Variants in ANKS1A observed in about 807,000 individuals in gnomAD.
ANKS1A encodes ankyrin repeat and SAM domain-containing protein 1A.
Under a neutral mutation model 120.3 loss-of-function variants are expected in ANKS1A, and 55 were observed. That is an observed-to-expected ratio of 0.46 (90% CI 0.37 to 0.57). The LOEUF is 0.57. Ranked by LOEUF, ANKS1A falls within the 20% of genes least tolerant of loss-of-function variation. The pLI is 0.00. For synonymous variants in ANKS1A, 590 were observed against 604.7 expected (o/e 0.98, Z 0.36); for missense variants, 1,123 against 1,480.3 (o/e 0.76, Z 3.96).
At chr6:35,003,322 T>G (rs988756634) in intron 10 of ANKS1A, among the ~76,000 whole-genome samples, 15 of 152,286 alleles carry the variant, frequency 9.8e-5, no homozygotes, top group African/African-American at 3.4e-4. Flanking sequence ...GGTCAAGCCT[T>G]GACTATTCTG....
intron 1 of ANKS1A, among the ~76,000 whole-genome samples, chr6:34,923,342 G>A (rs1222059873): frequency 6.6e-6 from 1 of 152,208 alleles, no homozygotes; most frequent in Non-Finnish European, 1.5e-5. Flanking sequence ...AAATAAGGTA[G>A]GTTGAGGGAC....
At chr6:35,076,678 G>C (rs1777373415) in intron 13 of ANKS1A, among the ~76,000 whole-genome samples, 2 of 152,194 alleles carry the variant, frequency 1.3e-5, no homozygotes, top group Non-Finnish European at 2.9e-5. Flanking sequence ...GCCCAGGCTA[G>C]AGTGCAGTGG....
chr6:35,006,068 G>T (rs995874020), intron 10 of ANKS1A, among the ~76,000 whole-genome samples: 2 of 151,624 alleles, frequency 1.3e-5, no homozygotes, highest in Non-Finnish European at 2.9e-5. Flanking sequence ...CGCGCCTGTA[G>T]TCCCAGCTAC....
chr6:35,007,914 C>T (rs1332978965), intron 10 of ANKS1A, among the ~76,000 whole-genome samples: 1 of 152,176 alleles, frequency 6.6e-6, no homozygotes, highest in Non-Finnish European at 1.5e-5. Context: ...ATCAGAGTAC[C>T]AATTCCTTAG....
At chr6:35,003,250 T>A (rs1023464792) in intron 10 of ANKS1A, among the ~76,000 whole-genome samples, 1 of 152,146 alleles carries the variant, frequency 6.6e-6, no homozygotes, top group South Asian at 2.1e-4. Flanking sequence ...CAGACCCCCA[T>A]TTACATGCTC....
chr6:34,980,416 G>A (rs1771845926), intron 3 of ANKS1A, among the ~76,000 whole-genome samples: 1 of 152,116 alleles, frequency 6.6e-6, no homozygotes, highest in African/African-American at 2.4e-5. Flanking sequence ...GGATCTTTCT[G>A]GTATACTTGG....
chr6:34,909,696 G>C (rs1381331424), intron 1 of ANKS1A, among the ~76,000 whole-genome samples: 3 of 152,194 alleles, frequency 2.0e-5, no homozygotes, highest in African/African-American at 7.2e-5. Flanking sequence ...AGTGTGATGA[G>C]TGCTATGAAA....
At chr6:34,967,659 T>C (rs1433427412) in intron 2 of ANKS1A, among the ~76,000 whole-genome samples, 2 of 152,082 alleles carry the variant, frequency 1.3e-5, no homozygotes, top group East Asian at 1.9e-4. Flanking sequence ...GATTGTGCCA[T>C]TGCATTCCAG....
chr6:34,990,663 T>C (rs1772455761), intron 9 of ANKS1A, among the ~76,000 whole-genome samples: 1 of 152,136 alleles, frequency 6.6e-6, no homozygotes, highest in Non-Finnish European at 1.5e-5. Context: ...CTTTCTATTC[T>C]CCCAAGGTTT....
chr6:35,067,362 C>G (rs1351455348), intron 13 of ANKS1A, among the ~76,000 whole-genome samples: 1 of 152,198 alleles, frequency 6.6e-6, no homozygotes, highest in Non-Finnish European at 1.5e-5. Context: ...GAAGTTGGTC[C>G]TGGCTGAGAC....
intron 1 of ANKS1A, among the ~76,000 whole-genome samples, chr6:34,903,860 T>TA (rs1767499858): frequency 6.6e-6 from 1 of 152,014 alleles, no homozygotes; most frequent in Non-Finnish European, 1.5e-5. Flanking sequence ...GGTCTTGCTT[T>TA]GTTGCCCAGG....
At chr6:35,054,028 C>T (rs970195831) in intron 11 of ANKS1A, 71 bp from the exon 12 acceptor site, 38 of 1,297,776 alleles carry the variant, frequency 2.9e-5, no homozygotes, top group Admixed American at 1.7e-4. Flanking sequence ...ACCCCACTGG[C>T]GCTGTGGTGA....
chr6:34,997,445 C>G (rs1054485756), intron 10 of ANKS1A, among the ~76,000 whole-genome samples: 19 of 152,144 alleles, frequency 1.2e-4, no homozygotes, highest in African/African-American at 4.1e-4. Flanking sequence ...ATCCACCCGC[C>G]TCAGCCTCCC....
intron 1 of ANKS1A, among the ~76,000 whole-genome samples, chr6:34,920,695 A>G (rs970557469): frequency 6.6e-6 from 1 of 152,156 alleles, no homozygotes; most frequent in Non-Finnish European, 1.5e-5. Context: ...GAATTATGTA[A>G]AGTTCCTAAG....
At chr6:34,970,251 A>G in intron 3 of ANKS1A, 85 bp downstream of exon 3, 1 of 1,419,696 alleles carries the variant, frequency 7.0e-7, no homozygotes, top group Non-Finnish European at 9.4e-7. Flanking sequence ...CCATAGTTCA[A>G]ATCTCAGAGA....
At chr6:35,018,141 C>T in intron 11 of ANKS1A, 82 bp downstream of exon 11, 1 of 1,399,738 alleles carries the variant, frequency 7.1e-7, no homozygotes, top group Non-Finnish European at 9.8e-7. Flanking sequence ...TGCCAACTCT[C>T]AGGCCCAGGA....
intron 1 of ANKS1A, among the ~76,000 whole-genome samples, chr6:34,916,930 C>T (rs1223465183): frequency 6.6e-6 from 1 of 152,166 alleles, no homozygotes; most frequent in Non-Finnish European, 1.5e-5. Context: ...CAGCAATGTG[C>T]CTTAATGTGG....
intron 11 of ANKS1A, chr6:35,038,098 G>C (rs983448973): frequency 2.3e-6 from 1 of 440,662 alleles, no homozygotes; most frequent in Non-Finnish European, 4.6e-6. Flanking sequence ...GTAGAAGACA[G>C]AAGAGAAACT....
In ANKS1A at chr6:35,086,310, C is replaced by CCTG; in HGVS notation, c.3303+376_3303+378dup. ...GATAGTCGCTGTTGTTACTGTCACA[C>CCTG]CTGCACCACCCACCGTCCTTCCTAC... On this transcript the variant is annotated intron_variant, in intron 22 of 23. Transcript: ENST00000360359. The surrounding 1 kb of genome is among the most constrained non-coding windows in gnomAD (Gnocchi z 5.1). The CCTG allele has an allele frequency of 7.6e-7, 1 of 1,307,598 alleles. No homozygotes were observed. The allele number at this position is 1,307,598 out of a possible 1,614,324, so 81.0% of individuals were successfully genotyped here. A position where few individuals can be genotyped will look rare whatever the true frequency, so the allele number is the denominator to read the frequency against.
Sources: allele counts gnomAD v4.1 joint callset (sites outside exome capture counted in the v4.1 genomes callset), GRCh38; gene constraint gnomAD v4.1.1; non-coding constraint Gnocchi (gnomAD v3.1); transcripts MANE v1.5; gene names NCBI Gene and HGNC (gene_info 2026-07-23, HGNC 2026-07-21).